The following CROCC2 variants were observed in gnomAD, a reference collection of about 807,000 sequenced individuals.
CROCC2 encodes ciliary rootlet coiled-coil, rootletin family member 2.
In CROCC2, 163 loss-of-function variants were observed where a neutral mutation model predicts 177.6. The ratio of observed to expected loss-of-function variants is 0.92; its 90% CI spans 0.81 to 1.05. CROCC2 has a LOEUF of 1.05. CROCC2 is among the 50% of genes least tolerant of loss of function. CROCC2 has a pLI of 0.00. For missense variants in CROCC2, 1,929 were observed against 1,797.8 expected (o/e 1.07, Z -1.32); for synonymous variants, 904 against 787.3 (o/e 1.15, Z -2.48).
rs1200918041 is a variant in CROCC2 at position 240,932,899 on chromosome 2, G to A, written c.1242G>A (p.Arg414=). ...AMRAAIERRW[R]REQELCLQLK... Reference sequence around the variant, plus strand: ...GGGCAGCCATAGAGAGGCGGTGGCGGCGGGAACAGGTGGGCAGCCGCAGCC... The same window carrying A: ...GGGCAGCCATAGAGAGGCGGTGGCGACGGGAACAGGTGGGCAGCCGCAGCC... Residue 414 remains arginine, a synonymous_variant, in exon 9 of 32, where the codon CGG becomes CGA. Coordinates refer to ENST00000690015, the MANE Select transcript of CROCC2 (RefSeq NM_001351305.2). 3 of 1,546,082 alleles carry A rather than the reference G, an allele frequency of 1.9e-6. No individual in the cohort carries two copies. The highest frequency in any genetic ancestry group is 2.6e-6 in the Non-Finnish European group (3 of 1,146,206).
At chr2:240,985,792 A>C in intron 28 of CROCC2, 1 of 352,676 alleles carries the variant, frequency 2.8e-6, no homozygotes, top group Non-Finnish European at 5.7e-6. Flanking sequence ...ACACCCAGGC[A>C]CCCACTCCAC....
intron 5 of CROCC2, among the ~76,000 whole-genome samples, chr2:240,927,211 C>T (rs897326531): frequency 6.6e-6 from 1 of 152,170 alleles, no homozygotes; most frequent in African/African-American, 2.4e-5. Context: ...GTCTTCTCAC[C>T]GGCTGCTCTG....
Position 240,988,744 on chromosome 2 carries a change from G to A in CROCC2, c.4557G>A (p.Glu1519=). 1 of 1,458,848 alleles carries A rather than the reference G, an allele frequency of 6.9e-7. No individual in the cohort carries two copies. Among genetic ancestry groups the A allele is most frequent in the Non-Finnish European group, 9.1e-7 (1 of 1,095,758 alleles). The allele number at this position is 1,458,848 out of a possible 1,614,324, so 90.4% of individuals were successfully genotyped here. The change falls in exon 29 of 32, where the codon GAG becomes GAA. Residue 1519 remains glutamate, a synonymous_variant. Transcript: ENST00000690015. ...EVSLEPLRQM[E]QETLKREEDV... ...GCCTCCTGGGATCTCTGCAGATGGA[G>A]CAAGAGACACTGAAGAGGGAGGAGG...
chr2:240,953,723 A>G lies in CROCC2; in HGVS notation c.2830-2136A>G, dbSNP rs892669882. ...GGAACCTGTGATGACCCAGTCACAA[A>G]ACAGTCTTTGGGGATCTTATTTCTG... On this transcript the variant is annotated intron_variant, in intron 18 of 31. Coordinates refer to ENST00000690015, the MANE Select transcript of CROCC2 (RefSeq NM_001351305.2). The surrounding 1 kb of genome is among the most constrained non-coding windows in gnomAD (Gnocchi z 4.0). Among the ~76,000 whole-genome samples the G allele has an allele frequency of 6.6e-6, 1 of 152,148 alleles. No individual in the cohort carries two copies. Among genetic ancestry groups the G allele is most frequent in the Admixed American group, 6.5e-5 (1 of 15,276 alleles).
rs185794866 is a variant in CROCC2, at chr2:240,993,207, C to T, written c.*126C>T. 1.6e-4 allele frequency: 103 copies of T among 647,698 alleles called. 1 individual carries two copies. The highest frequency in any genetic ancestry group is 1.4e-3 in the African/African-American group (75 of 55,474). The allele number at this position is 647,698 out of a possible 1,614,324, so 40.1% of individuals were successfully genotyped here. A position where few individuals can be genotyped will look rare whatever the true frequency, so the allele number is the denominator to read the frequency against. On this transcript the variant is annotated 3_prime_UTR_variant, in exon 32 of 32. Coordinates refer to ENST00000690015, the MANE Select transcript of CROCC2 (RefSeq NM_001351305.2). ...CACCCGTGATGAGACAGCTCGCTCT[C>T]GGCAGTTTCAGGACCCTCCTTGCCC...
In CROCC2 at chr2:240,949,641, G is replaced by T. The variant is rs553516744; in HGVS notation, c.2591G>T (p.Arg864Leu). 2.6e-6 allele frequency: 4 copies of T among 1,550,092 alleles called. No homozygotes were observed. The highest frequency in any genetic ancestry group is 1.7e-6 in the Non-Finnish European group (2 of 1,146,862). ...GCACAGCAGGAGCGGGAGGCACAGC[G>T]GGCCCTGGAGAGCCAGGCGTTGGCC... is the stretch of plus-strand genomic sequence containing the variant. Reference protein sequence around the residue: ...QVAQQEREAQRALESQALAHR... With the variant: ...QVAQQEREAQLALESQALAHR... The change falls in exon 17 of 32, where the codon CGG becomes CTG. Residue 864 changes from arginine (R) to leucine (L), a missense_variant. This residue lies in a region of CROCC2 where 1,397 missense variants were observed against 1,239.9 expected (regional missense o/e 1.13). Transcript: ENST00000690015. This position sits in a 1 kb window ranked among gnomAD's most constrained non-coding sequence, Gnocchi z 4.5.
intron 18 of CROCC2, among the ~76,000 whole-genome samples, chr2:240,951,114 T>C (rs1434289802): frequency 2.0e-5 from 3 of 151,412 alleles, no homozygotes; most frequent in Non-Finnish European, 4.4e-5. Flanking sequence ...TGTTCATCCA[T>C]CCATCCTCCC....
intron 24 of CROCC2, 25 bp downstream of exon 24, chr2:240,966,018 C>T: frequency 2.3e-6 from 3 of 1,324,478 alleles, no homozygotes; most frequent in East Asian, 2.9e-5. Context: ...TGGAGGCAGG[C>T]GGGCCCCTCT....
chr2:240,991,234 G>A lies in CROCC2; in HGVS notation c.4902G>A (p.Gln1634=), dbSNP rs1045393895. 1 of 1,547,756 alleles carries A rather than the reference G, an allele frequency of 6.5e-7. No individual in the cohort carries two copies. Among genetic ancestry groups the A allele is most frequent in the African/African-American group, 1.4e-5 (1 of 73,104 alleles). Residue 1634 remains glutamine, a synonymous_variant, in exon 31 of 32, where the codon CAG becomes CAA. Coordinates refer to ENST00000690015, the MANE Select transcript of CROCC2 (RefSeq NM_001351305.2). ...SLKEQLDQEV[Q]WRQQAHLGQA... Reference sequence around the variant, plus strand: ...AGGAGCAACTGGACCAGGAAGTGCAGTGGCGGCAACAGGCCCACCTCGGCC... The same window carrying A: ...AGGAGCAACTGGACCAGGAAGTGCAATGGCGGCAACAGGCCCACCTCGGCC...
At chr2:240,989,552 G>A in intron 29 of CROCC2, 102 bp from the exon 30 acceptor site, 1 of 1,163,946 alleles carries the variant, frequency 8.6e-7, no homozygotes, top group Non-Finnish European at 1.2e-6. Flanking sequence ...AGGGCAGTGG[G>A]GCCCACAAGG....
chr2:240,989,906 C>A, intron 30 of CROCC2, 73 bp downstream of exon 30: 1 of 1,399,646 alleles, frequency 7.1e-7, no homozygotes, highest in South Asian at 1.5e-5. Context: ...CGCAGTCACC[C>A]AGTAGGGGTG....
intron 20 of CROCC2, among the ~76,000 whole-genome samples, chr2:240,962,342 C>T (rs1431644698): frequency 1.3e-5 from 2 of 152,140 alleles, no homozygotes; most frequent in Non-Finnish European, 1.5e-5. Context: ...ATTTGTTTTG[C>T]TTGTTTTCAT....
chr2:240,964,474 G>A lies in CROCC2; in HGVS notation c.3314G>A (p.Arg1105Gln), dbSNP rs1036587927. ...RAEQEKASFKRSKEEKEQKLL... is the reference protein window; with the variant it reads ...RAEQEKASFKQSKEEKEQKLL... ...TGTGGCACCCTCGTCAGTTTTAAGC[G>A]GTCCAAGGAGGAGAAGGAGCAGAAG... Residue 1105 changes from arginine (R) to glutamine (Q), a missense_variant, in exon 22 of 32, where the codon CGG becomes CAG. Arg to Gln is a conservative substitution (Grantham distance 43, BLOSUM62 1). Around this residue, in one of 3 missense-constraint regions of CROCC2, gnomAD observed 1,397 missense variants for 1,239.9 expected, o/e 1.13. Coordinates refer to ENST00000690015, the MANE Select transcript of CROCC2 (RefSeq NM_001351305.2). 1.5e-4 allele frequency: 236 copies of A among 1,548,612 alleles called. No homozygotes were observed. The East Asian group carries it at 5.2e-3, about 34-fold the overall frequency.
chr2:240,988,681 G>A, intron 28 of CROCC2, 58 bp from the exon 29 acceptor site: 2 of 1,324,968 alleles, frequency 1.5e-6, no homozygotes, highest in South Asian at 2.3e-5. Flanking sequence ...GAGGAGGGCT[G>A]GCCTGACCTC....
At chr2:240,968,491 C>T (rs1177701207) in intron 27 of CROCC2, among the ~76,000 whole-genome samples, 1 of 152,210 alleles carries the variant, frequency 6.6e-6, no homozygotes, top group Non-Finnish European at 1.5e-5. Flanking sequence ...TCGTCCTTAG[C>T]AGAGCTGTCC....
At chr2:240,987,516 A>G (rs1439839361) in intron 28 of CROCC2, among the ~76,000 whole-genome samples, 1 of 152,132 alleles carries the variant, frequency 6.6e-6, no homozygotes, top group South Asian at 2.1e-4. Context: ...AGGAACCCTT[A>G]TTTTTTGTAA....
intron 20 of CROCC2, among the ~76,000 whole-genome samples, chr2:240,961,540 T>G (rs2059633939): frequency 7.0e-6 from 1 of 143,418 alleles, no homozygotes; most frequent in African/African-American, 2.6e-5. Flanking sequence ...CTGCACTGGC[T>G]CACACACACA....
intron 3 of CROCC2, among the ~76,000 whole-genome samples, chr2:240,921,371 G>A (rs1460664499): frequency 2.6e-5 from 4 of 152,184 alleles, no homozygotes; most frequent in African/African-American, 4.8e-5. Flanking sequence ...CCACCTGATG[G>A]GGGCCCCAGC....
intron 27 of CROCC2, chr2:240,981,743 T>C (rs1442290886): frequency 6.6e-6 from 1 of 150,772 alleles, no homozygotes; most frequent in Non-Finnish European, 1.5e-5. Context: ...AGTAACAAAG[T>C]GTCGGACCAA....
Sources: gnomAD v4.1 joint callset for allele counts (sites outside exome capture counted in the v4.1 genomes callset) on GRCh38, gnomAD v4.1.1 for gene constraint, gnomAD v4.1.1 regional missense constraint, Gnocchi (gnomAD v3.1) non-coding constraint, MANE v1.5 for transcripts, NCBI Gene and HGNC (gene_info 2026-07-23, HGNC 2026-07-21) for gene names.